P4HTM: variants seen among roughly 807,000 people sequenced by gnomAD.
P4HTM encodes the protein transmembrane prolyl 4-hydroxylase.
A neutral mutation model predicts 55.3 loss-of-function variants in P4HTM; 33 were observed. That is an observed-to-expected ratio of 0.60 (90% CI 0.45 to 0.80). The LOEUF is 0.80. P4HTM is among the 30% of genes least tolerant of loss of function. P4HTM has a pLI of 0.00. For synonymous variants in P4HTM, 272 were observed against 286.4 expected (o/e 0.95, Z 0.51); for missense variants, 542 against 696.5 (o/e 0.78, Z 2.50).
At chr3:49,005,449 G>GCCCCTTCCCAT (rs1417058233) in intron 6 of P4HTM, 1 of 1,375,540 alleles carries the variant, frequency 7.3e-7, no homozygotes, top group African/African-American at 1.5e-5. Flanking sequence ...TTCTGGCCCA[G>GCCCCTTCCCAT]CCCCTTCCCA....
chr3:49,004,472 TTAGA>T (rs2092970623), intron 5 of P4HTM: 4 of 581,582 alleles, frequency 6.9e-6, no homozygotes, highest in East Asian at 2.9e-5. Flanking sequence ...GCAACTGGGG[TTAGA>T]TAGAGATTGA....
intron 2 of P4HTM, among the ~76,000 whole-genome samples, chr3:48,993,792 G>A (rs1257859816): frequency 6.7e-6 from 1 of 148,492 alleles, no homozygotes; most frequent in Non-Finnish European, 1.5e-5. Flanking sequence ...AACCCGGGAG[G>A]CAGAGGTTGC....
At position 49,001,462 on chromosome 3, in the gene P4HTM, AAG is replaced by A; in HGVS notation, c.464_465del (p.Glu155ValfsTer22). On this transcript the variant is annotated frameshift_variant, in exon 3 of 9. Transcript: ENST00000383729. LOFTEE classifies it high-confidence loss of function. ...GAAATCCCCGGCTTCCTGACTGATG[AAG>A]AGTGTCGGCTCATCATCCATCTGGC... The A allele has an allele frequency of 6.2e-7, 1 of 1,613,902 alleles. No individual in the cohort carries two copies. The highest frequency in any genetic ancestry group is 8.5e-7 in the Non-Finnish European group (1 of 1,180,024).
chr3:49,006,053 G>A lies in P4HTM; in HGVS notation c.1165-11G>A. The A allele has an allele frequency of 1.2e-6, 2 of 1,609,608 alleles. No individual in the cohort carries two copies. The highest frequency in any genetic ancestry group is 8.5e-7 in the Non-Finnish European group (1 of 1,177,244). The stretch of plus-strand genomic sequence containing the variant: ...GACAGGTTGAACACCCCACCACCCT[G>A]CTGCCCACAGAGTCTGATTCAGGAT... On this transcript the variant is annotated splice_polypyrimidine_tract_variant and intron_variant, in intron 7 of 8. Coordinates refer to ENST00000383729, the MANE Select transcript of P4HTM (RefSeq NM_177939.3).
chr3:48,994,605 T>G (rs1207704532), intron 2 of P4HTM, among the ~76,000 whole-genome samples: 4 of 152,118 alleles, frequency 2.6e-5, no homozygotes, highest in African/African-American at 9.7e-5. Context: ...ATAAAGGATT[T>G]GGAATATTGG....
At position 49,006,088 on chromosome 3, in the gene P4HTM, C is replaced by T. The variant is rs759632578; in HGVS notation, c.1189C>T (p.Leu397Phe). The T allele has an allele frequency of 6.2e-7, 1 of 1,612,920 alleles. No individual in the cohort carries two copies. Among genetic ancestry groups the T allele is most frequent in the Non-Finnish European group, 8.5e-7 (1 of 1,179,854 alleles). Residue 397 changes from leucine to phenylalanine, a missense_variant, in exon 8 of 9, where the codon CTC (leucine) becomes TTC (phenylalanine). Physicochemically the swap from Leu to Phe is conservative, Grantham distance 22 (BLOSUM62 0). This residue lies in a region of P4HTM where 536 missense variants were observed against 672.1 expected (regional missense o/e 0.80). Coordinates refer to ENST00000383729, the MANE Select transcript of P4HTM (RefSeq NM_177939.3). ...EMSLIQDDVD[L>F]RDTRRHCDKG... ...GAGTCTGATTCAGGATGACGTGGAC[C>T]TCCGTGACACACGGAGGCACTGTGA...
chr3:48,992,157 A>G (rs1265250543), intron 2 of P4HTM: 1 of 152,248 alleles, frequency 6.6e-6, no homozygotes, highest in Admixed American at 6.5e-5. Context: ...ACTAAATATA[A>G]ACAATGAAAC....
chr3:49,001,417 A>AC, intron 2 of P4HTM, 21 bp from the exon 3 acceptor site: 1 of 1,613,242 alleles, frequency 6.2e-7, no homozygotes, highest in Non-Finnish European at 8.5e-7. Flanking sequence ...CCTTGGCCTC[A>AC]CCCACCTCCT....
rs2092928571 is a variant in P4HTM, at chr3:48,990,714, G to T, written c.354+104G>T. ...CACGCTGCCCCCGGCGCTGCTCTGCGTCGGTCCCGCGCGCTCCCACTCACT... is the reference window on the plus strand; with the variant it reads ...CACGCTGCCCCCGGCGCTGCTCTGCTTCGGTCCCGCGCGCTCCCACTCACT... On this transcript the variant is annotated intron_variant, in intron 1 of 8. Transcript: ENST00000383729. This position sits in a 1 kb window ranked among gnomAD's most constrained non-coding sequence, Gnocchi z 7.2. The T allele has an allele frequency of 1.4e-6, 2 of 1,471,842 alleles. No homozygotes were observed. 91.2% of individuals were successfully genotyped at this position (1,471,842 alleles called of 1,614,324 possible). A position where few individuals can be genotyped will look rare whatever the true frequency, so the allele number is the denominator to read the frequency against.
At chr3:49,001,845 T>G (rs538826627) in intron 3 of P4HTM, among the ~76,000 whole-genome samples, 3 of 152,210 alleles carry the variant, frequency 2.0e-5, no homozygotes, top group Non-Finnish European at 4.4e-5. Flanking sequence ...CACCTGGGGG[T>G]GATGGCATTT....
Position 49,001,770 on chromosome 3 carries a change from AG to A in P4HTM, c.627+144del, listed in dbSNP as rs1243491185. The A allele has an allele frequency of 2.4e-5, 17 of 704,926 alleles. No homozygotes were observed. The East Asian group carries it at 4.4e-4, about 18-fold the overall frequency. 43.7% of individuals were successfully genotyped at this position (704,926 alleles called of 1,614,324 possible). Reference sequence around the variant, plus strand: ...CTGCCTGGGCATGCCCAGACCCAGGAGGTCCCCTTTCCCTCTGGAGAGCTCT... The same window carrying A: ...CTGCCTGGGCATGCCCAGACCCAGGAGTCCCCTTTCCCTCTGGAGAGCTCT... On this transcript the variant is annotated intron_variant, in intron 3 of 8. Transcript: ENST00000383729.
rs188713029 is a variant in P4HTM, at chr3:49,003,215, A to C, written c.724+619A>C. On this transcript the variant is annotated intron_variant, in intron 4 of 8. Transcript: ENST00000383729. ...CATCACCCTCATGCCCAAATTCTGG[A>C]CCAAGAGAGGAAGATACAGCAGTTA... 1.2e-4 allele frequency: 25 copies of C among 200,144 alleles called. No individual in the cohort carries two copies. In the East Asian group the frequency reaches 2.0e-3, roughly 16 times the overall value. The allele number at this position is 200,144 out of a possible 1,614,324, so 12.4% of individuals were successfully genotyped here. A position where few individuals can be genotyped will look rare whatever the true frequency, so the allele number is the denominator to read the frequency against.
Position 49,002,595 on chromosome 3 carries a change from C to T in P4HTM, c.723C>T (p.Asp241=), listed in dbSNP as rs372939714. 40 of 1,608,260 alleles carry T rather than the reference C, an allele frequency of 2.5e-5. No individual in the cohort carries two copies. Among genetic ancestry groups the T allele is most frequent in the African/African-American group, 2.4e-4 (18 of 74,910 alleles). Residue 241 remains aspartate (D), a splice_region_variant and synonymous_variant, in exon 4 of 9, where the codon GAC becomes GAT. Coordinates refer to ENST00000383729, the MANE Select transcript of P4HTM (RefSeq NM_177939.3). The surrounding 1 kb of genome is among the most constrained non-coding windows in gnomAD (Gnocchi z 4.4). The part of the protein sequence containing the change: ...YAAIKADPDG[D]GVLSLQEFSN... ...CGATCAAGGCTGACCCTGATGGTGA[C>T]GGTGAGCTCACACCTCTGCACAGTC...
At position 49,002,550 on chromosome 3, in the gene P4HTM, C is replaced by T. The variant is rs1363368667; in HGVS notation, c.678C>T (p.Ser226=). ...ATGGATGGTGGATGACTCCAGAGAG[C>T]ATTCAGGAGATGTACGCCGCGATCA... The part of the protein sequence containing the change: ...LGNGWWMTPE[S]IQEMYAAIKA... The change falls in exon 4 of 9, where the codon AGC becomes AGT. Residue 226 remains serine, a synonymous_variant. Coordinates refer to ENST00000383729, the MANE Select transcript of P4HTM (RefSeq NM_177939.3). This position sits in a 1 kb window ranked among gnomAD's most constrained non-coding sequence, Gnocchi z 4.4. 6.8e-6 allele frequency: 11 copies of T among 1,614,016 alleles called. No homozygotes were observed. The South Asian group carries it at 1.2e-4, about 18-fold the overall frequency.
Position 48,990,806 on chromosome 3 carries a change from G to A in P4HTM, c.355-27G>A. 1 of 1,607,298 alleles carries A rather than the reference G, an allele frequency of 6.2e-7. No homozygotes were observed. The highest frequency in any genetic ancestry group is 8.5e-7 in the Non-Finnish European group (1 of 1,174,698). On this transcript the variant is annotated intron_variant, in intron 1 of 8. Coordinates refer to ENST00000383729, the MANE Select transcript of P4HTM (RefSeq NM_177939.3). The surrounding 1 kb of genome is among the most constrained non-coding windows in gnomAD (Gnocchi z 7.2). ...TTGGGCAGCGCGGTCTGGCGCCCCA[G>A]CTGCCCGCTGTGCGCCTTTTCCTTA...
intron 6 of P4HTM, 30 bp downstream of exon 6, chr3:49,005,076 C>T (rs1425403805): frequency 1.2e-6 from 2 of 1,613,858 alleles, no homozygotes; most frequent in South Asian, 2.2e-5. Context: ...GGGCTGCCTT[C>T]AATCCTCAGA....
intron 6 of P4HTM, chr3:49,005,470 G>A (rs1045823895): frequency 5.9e-6 from 8 of 1,359,300 alleles, no homozygotes; most frequent in Non-Finnish European, 9.4e-7. Context: ...TCCCCAAGGA[G>A]CCCTTCAGCG....
intron 2 of P4HTM, among the ~76,000 whole-genome samples, chr3:48,993,510 A>C (rs1333705514): frequency 6.6e-6 from 1 of 152,044 alleles, no homozygotes; most frequent in Non-Finnish European, 1.5e-5. Flanking sequence ...ATTCATATTG[A>C]TGTTAGGTTA....
chr3:49,005,834 C>T lies in P4HTM; in HGVS notation c.1131C>T (p.Phe377=). The T allele has an allele frequency of 6.4e-7, 1 of 1,569,612 alleles. No individual in the cohort carries two copies. The highest frequency in any genetic ancestry group is 1.4e-5 in the African/African-American group (1 of 73,294). The change falls in exon 7 of 9, where the codon TTC becomes TTT. Residue 377 remains phenylalanine (F), a synonymous_variant. Coordinates refer to ENST00000383729, the MANE Select transcript of P4HTM (RefSeq NM_177939.3). ...NNVTGGGETV[F]PVADNRTYDE... ...TCACTGGTGGGGGCGAGACTGTTTTCCCTGTAGCAGATAACAGAACCTACG... is the reference window on the plus strand; with the variant it reads ...TCACTGGTGGGGGCGAGACTGTTTTTCCTGTAGCAGATAACAGAACCTACG...
Sources: allele counts gnomAD v4.1 joint callset (sites outside exome capture counted in the v4.1 genomes callset), GRCh38; gene constraint gnomAD v4.1.1; regional missense constraint gnomAD v4.1.1; non-coding constraint Gnocchi (gnomAD v3.1); transcripts MANE v1.5; gene names NCBI Gene and HGNC (gene_info 2026-07-23, HGNC 2026-07-21).